Variants in KLF12 observed in about 807,000 individuals in gnomAD.
KLF12 encodes Krueppel-like factor 12.
KLF12 carries 9 observed loss-of-function variants against 37.8 expected under a neutral mutation model. The ratio of observed to expected loss-of-function variants is 0.24; its 90% CI spans 0.14 to 0.42. The LOEUF (loss-of-function observed/expected upper bound fraction) is 0.42, where lower values mean the gene tolerates loss of function less well. Among genes scored for constraint, KLF12 ranks in the 10% least tolerant of loss-of-function variants. The pLI, the probability that KLF12 is intolerant of heterozygous loss-of-function variation, is 1.00. For synonymous variants in KLF12, 208 were observed against 202.1 expected (o/e 1.03, Z -0.25); for missense variants, 411 against 516.0 (o/e 0.80, Z 1.97).
the KLF12 span, among the ~76,000 whole-genome samples, chr13:74,205,055 A>G: frequency 2.0e-5 from 3 of 151,850 alleles, no homozygotes; most frequent in Admixed American, 1.3e-4. Flanking sequence ...AACTTCTGTG[A>G]ACACTGACAT....
chr13:74,158,731 T>G, the KLF12 span, among the ~76,000 whole-genome samples: 61,581 of 151,794 alleles, frequency 0.41, 13,766 homozygotes, highest in East Asian at 0.78. Context: ...TATAAATACA[T>G]AAGAATATGA....
intron 3 of KLF12, among the ~76,000 whole-genome samples, chr13:73,859,348 A>G (rs147015117): frequency 9.5e-4 from 144 of 152,294 alleles, no homozygotes; most frequent in Middle Eastern, 3.4e-3. Flanking sequence ...GACATTGCCC[A>G]TGGCCCCAGT....
chr13:73,861,742 A>G (rs1885935478), intron 3 of KLF12, among the ~76,000 whole-genome samples: 2 of 152,056 alleles, frequency 1.3e-5, no homozygotes, highest in Non-Finnish European at 2.9e-5. Context: ...TGTGTTAATC[A>G]TGTAAATATA....
chr13:73,967,740 A>C (rs1397750606), intron 2 of KLF12, among the ~76,000 whole-genome samples: 1 of 152,182 alleles, frequency 6.6e-6, no homozygotes, highest in Non-Finnish European at 1.5e-5. Flanking sequence ...TGCAAATTTA[A>C]AAGAGAAAAT....
chr13:74,268,258 G>A, the KLF12 span, among the ~76,000 whole-genome samples: 2 of 152,124 alleles, frequency 1.3e-5, no homozygotes, highest in Non-Finnish European at 2.9e-5. Context: ...CTAGAACCTG[G>A]GTGGGACTTT....
the KLF12 span, among the ~76,000 whole-genome samples, chr13:74,240,690 C>G: frequency 3.4e-5 from 4 of 116,976 alleles, no homozygotes; most frequent in Admixed American, 9.5e-5. Flanking sequence ...TCATTTCATT[C>G]ATTTCATCTT....
chr13:73,834,442 A>C (rs144164654), intron 4 of KLF12, among the ~76,000 whole-genome samples: 1,566 of 152,296 alleles, frequency 0.01, 14 homozygotes, highest in African/African-American at 0.021. Flanking sequence ...GTTTTCCTAC[A>C]TTCTGTTTTC....
chr13:73,748,492 G>A, intron 6 of KLF12, among the ~76,000 whole-genome samples: 1 of 152,086 alleles, frequency 6.6e-6, no homozygotes, highest in Admixed American at 6.6e-5. Flanking sequence ...TTTATAAGAA[G>A]AGGAAGAAAG....
chr13:73,699,106 C>T (rs1874352661), intron 7 of KLF12, among the ~76,000 whole-genome samples: 1 of 152,020 alleles, frequency 6.6e-6, no homozygotes, highest in Non-Finnish European at 1.5e-5. Flanking sequence ...GGCTTATAAT[C>T]CCAGCTACTT....
chr13:73,837,877 T>G (rs1046746023), intron 4 of KLF12, among the ~76,000 whole-genome samples: 2 of 152,122 alleles, frequency 1.3e-5, no homozygotes, highest in Non-Finnish European at 2.9e-5. Context: ...TAATCACAGG[T>G]CAGCTATCTA....
the KLF12 span, among the ~76,000 whole-genome samples, chr13:74,158,909 C>T: frequency 6.6e-6 from 1 of 152,084 alleles, no homozygotes; most frequent in Non-Finnish European, 1.5e-5. Context: ...GATTTTAATT[C>T]ACAAAGATTT....
chr13:74,099,511 T>G (rs1280585808), intron 1 of KLF12, among the ~76,000 whole-genome samples: 1 of 152,232 alleles, frequency 6.6e-6, no homozygotes, highest in African/African-American at 2.4e-5. Context: ...AGTGCTTCTC[T>G]TAGATTCTGC....
At chr13:74,168,952 G>C in the KLF12 span, among the ~76,000 whole-genome samples, 2 of 152,214 alleles carry the variant, frequency 1.3e-5, no homozygotes, top group Non-Finnish European at 2.9e-5. Context: ...TTGCTGCCTT[G>C]CGTTTCCTGG....
At chr13:73,894,969 C>A (rs1887692497) in intron 3 of KLF12, among the ~76,000 whole-genome samples, 1 of 152,082 alleles carries the variant, frequency 6.6e-6, no homozygotes, top group East Asian at 1.9e-4. Context: ...TCTCTGTTTT[C>A]TCTTAATCCT....
chr13:74,139,748 A>T, the KLF12 span, among the ~76,000 whole-genome samples: 7 of 152,028 alleles, frequency 4.6e-5, no homozygotes, highest in South Asian at 2.1e-4. Flanking sequence ...AATTTGTTTT[A>T]AAAAAAATGA....
intron 2 of KLF12, among the ~76,000 whole-genome samples, chr13:73,959,326 G>T (rs1398622778): frequency 1.3e-5 from 2 of 151,906 alleles, no homozygotes; most frequent in African/African-American, 4.8e-5. Context: ...TCCCATATAT[G>T]ATGGTATTTT....
At chr13:73,917,852 T>C (rs1419704373) in intron 3 of KLF12, among the ~76,000 whole-genome samples, 2 of 152,182 alleles carry the variant, frequency 1.3e-5, no homozygotes, top group East Asian at 3.8e-4. Flanking sequence ...TCAGAAGGCA[T>C]TTTAAAAATC....
At chr13:73,868,158 T>TA in intron 3 of KLF12, among the ~76,000 whole-genome samples, 1 of 137,574 alleles carries the variant, frequency 7.3e-6, no homozygotes, top group South Asian at 2.4e-4. Flanking sequence ...ACTAAAAATA[T>TA]AAAATTAGCC....
chr13:74,079,418 A>G (rs564731730), intron 1 of KLF12, among the ~76,000 whole-genome samples: 12 of 152,352 alleles, frequency 7.9e-5, no homozygotes, highest in Admixed American at 5.2e-4. Flanking sequence ...AAAATAACAA[A>G]AAGATTTCCA....
Sources: allele counts gnomAD v4.1 joint callset (sites outside exome capture counted in the v4.1 genomes callset), GRCh38; gene constraint gnomAD v4.1.1; transcripts MANE v1.5; gene names NCBI Gene and HGNC (gene_info 2026-07-23, HGNC 2026-07-21).